The following TCP10L variants were observed in gnomAD, a reference collection of about 807,000 sequenced individuals.
TCP10L encodes T-complex protein 10A homolog 1.
A neutral mutation model predicts 19.2 loss-of-function variants in TCP10L; 11 were observed. That is an observed-to-expected ratio of 0.57 (90% confidence interval 0.36 to 0.95). The LOEUF is 0.95. Among genes scored for constraint, TCP10L ranks in the 40% least tolerant of loss-of-function variants. TCP10L has a pLI of 0.01. For missense variants in TCP10L, 247 were observed against 263.9 expected (o/e 0.94, Z 0.44); for synonymous variants, 96 against 97.2 (o/e 0.99, Z 0.07).
intron 2 of TCP10L, among the ~76,000 whole-genome samples, 168 bp downstream of exon 2, chr21:32,583,993 A>G (rs969686941): frequency 2.6e-5 from 4 of 152,080 alleles, no homozygotes; most frequent in Non-Finnish European, 5.9e-5. Flanking sequence ...ACGGTTGCAG[A>G]GGGGGAAAGA....
Position 32,573,955 on chromosome 21 carries a change from T to G in TCP10L, c.*2819A>C, listed in dbSNP as rs2038403172. ...CCATTAGCTGGATCCCCAAACAAAATAAAATCCCAAGAAAAATGTTCCCAC... is the reference window on the plus strand; with the variant it reads ...CCATTAGCTGGATCCCCAAACAAAAGAAAATCCCAAGAAAAATGTTCCCAC... On this transcript the variant is annotated 3_prime_UTR_variant, in exon 5 of 5. Transcript: ENST00000300258. The G allele has an allele frequency of 6.6e-6, 1 of 151,898 alleles. No individual in the cohort carries two copies. The highest frequency in any genetic ancestry group is 6.6e-5 in the Admixed American group (1 of 15,248). The allele number at this position is 151,898 out of a possible 1,614,324, so 9.4% of individuals were successfully genotyped here. A position where few individuals can be genotyped will look rare whatever the true frequency, so the allele number is the denominator to read the frequency against.
chr21:32,583,528 G>A lies in TCP10L; in HGVS notation c.144+633C>T, dbSNP rs1256858670. 2.0e-5 allele frequency among the ~76,000 whole-genome samples: 3 copies of A among 147,656 alleles called. No individual in the cohort carries two copies. In the East Asian group the frequency reaches 6.0e-4, roughly 30 times the overall value. On this transcript the variant is annotated intron_variant, in intron 2 of 4. Coordinates refer to ENST00000300258, the MANE Select transcript of TCP10L (RefSeq NM_144659.7). ...GGCGTGAACCCGGGAGGCGGAGCTT[G>A]CAGTGAGCCGAGATCCCGCCACTGC...
At chr21:32,581,448 C>T (rs993178772) in intron 3 of TCP10L, among the ~76,000 whole-genome samples, 2 of 152,164 alleles carry the variant, frequency 1.3e-5, no homozygotes, top group African/African-American at 4.8e-5. Flanking sequence ...TCTAATTGAG[C>T]TGATAAACAC....
intron 2 of TCP10L, among the ~76,000 whole-genome samples, chr21:32,583,382 G>A (rs951571493): frequency 6.6e-6 from 1 of 151,770 alleles, no homozygotes; most frequent in African/African-American, 2.4e-5. Flanking sequence ...GAGGTCAGGA[G>A]ATCGAGACCA....
chr21:32,583,024 CT>C (rs59972145), intron 2 of TCP10L, among the ~76,000 whole-genome samples: 114 of 94,774 alleles, frequency 1.2e-3, no homozygotes, highest in East Asian at 1.8e-3. Flanking sequence ...CATTCTTTTC[CT>C]TTTTTTTTTT....
rs370038695 is a variant in TCP10L, at chr21:32,582,189, G to A, written c.360+11C>T. On this transcript the variant is annotated intron_variant, in intron 3 of 4. Transcript: ENST00000300258. This position sits in a 1 kb window ranked among gnomAD's most constrained non-coding sequence, Gnocchi z 4.2. ...GCAAACGGTACAAAAACATAAATGC[G>A]CTTTTGGTACCAGAGTGTGCGATTC... The A allele has an allele frequency of 1.2e-5, 19 of 1,611,062 alleles. No individual in the cohort carries two copies. Among genetic ancestry groups the A allele is most frequent in the African/African-American group, 4.0e-5 (3 of 74,644 alleles).
Position 32,576,860 on chromosome 21 carries a change from T to A in TCP10L, c.562A>T (p.Lys188Ter), listed in dbSNP as rs757235120. Residue 188 changes from lysine to a stop codon, truncating the protein, a stop_gained, in exon 5 of 5, where the codon AAA becomes TAA. Coordinates refer to ENST00000300258, the MANE Select transcript of TCP10L (RefSeq NM_144659.7). LOFTEE classifies it low-confidence loss of function (END_TRUNC). ...WKTPPQENRD[K>*]NLSRRRQDRR... ...TCTTGACGTCTCCTGGAAAGATTTT[T>A]ATCTCTATTTTCCTGTGGTGGTGTT... 4.3e-6 allele frequency: 7 copies of A among 1,614,260 alleles called. No individual in the cohort carries two copies. In the South Asian group the frequency reaches 7.7e-5, roughly 18 times the overall value.
intron 2 of TCP10L, among the ~76,000 whole-genome samples, chr21:32,583,945 C>A (rs1479083097): frequency 1.3e-5 from 2 of 152,216 alleles, no homozygotes; most frequent in Non-Finnish European, 2.9e-5. Flanking sequence ...TTAATATTTT[C>A]TTTAACTCCC....
Position 32,576,673 on chromosome 21 carries a change from T to C in TCP10L, c.*101A>G, listed in dbSNP as rs1364939861. ...TACTAGGTCTATTTTGAATAACAAATTGAGTACTTTTATTAGACCTAAGTG... is the reference window on the plus strand; with the variant it reads ...TACTAGGTCTATTTTGAATAACAAACTGAGTACTTTTATTAGACCTAAGTG... On this transcript the variant is annotated 3_prime_UTR_variant, in exon 5 of 5. Coordinates refer to ENST00000300258, the MANE Select transcript of TCP10L (RefSeq NM_144659.7). 5 of 1,233,688 alleles carry C rather than the reference T, an allele frequency of 4.1e-6. No homozygotes were observed. The highest frequency in any genetic ancestry group is 5.7e-6 in the Non-Finnish European group (5 of 873,574). 76.4% of individuals were successfully genotyped at this position (1,233,688 alleles called of 1,614,324 possible). A position where few individuals can be genotyped will look rare whatever the true frequency, so the allele number is the denominator to read the frequency against.
chr21:32,576,275 A>G lies in TCP10L; in HGVS notation c.*499T>C. ...GCGGCCTGGGAAGCCTGCACTGGTG[A>G]TTTTCTGCCACTCAAGTTTTGCAGA... On this transcript the variant is annotated 3_prime_UTR_variant, in exon 5 of 5. Coordinates refer to ENST00000300258, the MANE Select transcript of TCP10L (RefSeq NM_144659.7). 1 of 1,575,944 alleles carries G rather than the reference A, an allele frequency of 6.3e-7. No homozygotes were observed. The highest frequency in any genetic ancestry group is 8.7e-7 in the Non-Finnish European group (1 of 1,151,848).
intron 1 of TCP10L, 96 bp downstream of exon 1, chr21:32,585,325 G>T: frequency 3.6e-6 from 1 of 279,360 alleles, no homozygotes. Context: ...GCTCCTCTGA[G>T]GGGACACCCC....
At chr21:32,577,146 C>T (rs1040059537) in intron 4 of TCP10L, among the ~76,000 whole-genome samples, 1 of 152,104 alleles carries the variant, frequency 6.6e-6, no homozygotes, top group Non-Finnish European at 1.5e-5. Context: ...ATTGTAAAGT[C>T]AACAGTGAAA....
Position 32,576,666 on chromosome 21 carries a change from T to C in TCP10L, c.*108A>G. ...AATAAATTACTAGGTCTATTTTGAA[T>C]AACAAATTGAGTACTTTTATTAGAC... is the stretch of plus-strand genomic sequence containing the variant. On this transcript the variant is annotated 3_prime_UTR_variant, in exon 5 of 5. Transcript: ENST00000300258. The C allele has an allele frequency of 8.4e-7, 1 of 1,195,074 alleles. No individual in the cohort carries two copies. Among genetic ancestry groups the C allele is most frequent in the Non-Finnish European group, 1.2e-6 (1 of 841,584 alleles). 74.0% of individuals were successfully genotyped at this position (1,195,074 alleles called of 1,614,324 possible).
At position 32,574,328 on chromosome 21, in the gene TCP10L, T is replaced by G. The variant is rs2038407324; in HGVS notation, c.*2446A>C. Among the ~76,000 whole-genome samples, 1 of 152,228 alleles carries G rather than the reference T, an allele frequency of 6.6e-6. No individual in the cohort carries two copies. The highest frequency in any genetic ancestry group is 2.4e-5 in the African/African-American group (1 of 41,466). On this transcript the variant is annotated 3_prime_UTR_variant, in exon 5 of 5. Coordinates refer to ENST00000300258, the MANE Select transcript of TCP10L (RefSeq NM_144659.7). ...CTTAAGCCATGAAAAATATTAATCC[T>G]GTTTGACTATGTGCTAAATGCAACC...
Position 32,574,848 on chromosome 21 carries a change from A to G in TCP10L, c.*1926T>C, listed in dbSNP as rs1275550188. On this transcript the variant is annotated 3_prime_UTR_variant, in exon 5 of 5. Coordinates refer to ENST00000300258, the MANE Select transcript of TCP10L (RefSeq NM_144659.7). ...CAGTTCAACAACAAATGATCCTGTA[A>G]GGAACATTAATTCTTTAATGAATAC... 1 of 154,498 alleles carries G rather than the reference A, an allele frequency of 6.5e-6. No individual in the cohort carries two copies. The highest frequency in any genetic ancestry group is 1.5e-5 in the Non-Finnish European group (1 of 68,046). The allele number at this position is 154,498 out of a possible 1,614,324, so 9.6% of individuals were successfully genotyped here. A position where few individuals can be genotyped will look rare whatever the true frequency, so the allele number is the denominator to read the frequency against.
chr21:32,585,225 C>T (rs541364237), intron 1 of TCP10L, among the ~76,000 whole-genome samples, 196 bp downstream of exon 1: 2 of 152,324 alleles, frequency 1.3e-5, no homozygotes, highest in South Asian at 2.1e-4. Context: ...CAGATCACTG[C>T]CATTCCTTCC....
chr21:32,582,284 C>T lies in TCP10L; in HGVS notation c.276G>A (p.Lys92=), dbSNP rs752149709. Residue 92 remains lysine, a synonymous_variant, in exon 3 of 5, where the codon AAG becomes AAA. Transcript: ENST00000300258. The surrounding 1 kb of genome is among the most constrained non-coding windows in gnomAD (Gnocchi z 4.2). ...ACCGCTGCAGCTGCAGAGCTCTCAGCTTTTCTCGGAGCTCCATGTTCTGCT... is the reference window on the plus strand; with the variant it reads ...ACCGCTGCAGCTGCAGAGCTCTCAGTTTTTCTCGGAGCTCCATGTTCTGCT... ...LREQNMELRE[K]LRALQLQRWK... is the part of the protein sequence containing the mutation. 6.2e-7 allele frequency: 1 copy of T among 1,614,180 alleles called. No homozygotes were observed.
At chr21:32,581,538 A>AC (rs1285628698) in intron 3 of TCP10L, among the ~76,000 whole-genome samples, 1 of 150,948 alleles carries the variant, frequency 6.6e-6, no homozygotes, top group Non-Finnish European at 1.5e-5. Context: ...GGAAACATTC[A>AC]CCCCCAGACA....
In TCP10L at chr21:32,574,895, C is replaced by T. The variant is rs78016556; in HGVS notation, c.*1879G>A. Reference sequence around the variant, plus strand: ...ATACACTCAGTCGGTATTTCTCTTTCGAGTATTCTGATGGATCAGGAGATT... The same window carrying T: ...ATACACTCAGTCGGTATTTCTCTTTTGAGTATTCTGATGGATCAGGAGATT... On this transcript the variant is annotated 3_prime_UTR_variant, in exon 5 of 5. Coordinates refer to ENST00000300258, the MANE Select transcript of TCP10L (RefSeq NM_144659.7). The T allele has an allele frequency of 0.025, 3,873 of 152,584 alleles. 183 individuals carry two copies. Among genetic ancestry groups the T allele is most frequent in the African/African-American group, 0.088 (3,665 of 41,554 alleles). The allele number at this position is 152,584 out of a possible 1,614,324, so 9.5% of individuals were successfully genotyped here.
Sources: allele counts gnomAD v4.1 joint callset (sites outside exome capture counted in the v4.1 genomes callset), GRCh38; gene constraint gnomAD v4.1.1; non-coding constraint Gnocchi (gnomAD v3.1); transcripts MANE v1.5; gene names NCBI Gene and HGNC (gene_info 2026-07-23, HGNC 2026-07-21).